SETX: variants seen among roughly 807,000 people sequenced by gnomAD.
The protein encoded by SETX is helicase senataxin.
Under a neutral mutation model 227.2 loss-of-function variants are expected in SETX, and 90 were observed. The observed-to-expected ratio is 0.40, with a 90% CI of 0.33 to 0.47. The LOEUF is 0.47. Among genes scored for constraint, SETX ranks in the 20% least tolerant of loss-of-function variants. SETX has a pLI of 0.91. For synonymous variants in SETX, 1,210 were observed against 1,113.2 expected (o/e 1.09, Z -1.73); for missense variants, 3,052 against 3,181.5 (o/e 0.96, Z 0.98).
Position 132,263,930 on chromosome 9 carries a change from T to C in SETX, c.*309A>G, listed in dbSNP as rs1281484519. On this transcript the variant is annotated 3_prime_UTR_variant, in exon 26 of 26. Coordinates refer to ENST00000224140, the MANE Select transcript of SETX (RefSeq NM_015046.7). ...AGGATTTTGTTATTTGCTATACAAA[T>C]ATACATTTCAACTTTTACAACATTC... 3 of 387,368 alleles carry C rather than the reference T, an allele frequency of 7.7e-6. No homozygotes were observed. The highest frequency in any genetic ancestry group is 6.1e-5 in the South Asian group (2 of 32,734). 24.0% of individuals were successfully genotyped at this position (387,368 alleles called of 1,614,324 possible).
In SETX at chr9:132,263,051, C is replaced by T. The variant is rs150716178; in HGVS notation, c.*1188G>A. The T allele has an allele frequency of 6.6e-6, 1 of 152,306 alleles. No homozygotes were observed. The highest frequency in any genetic ancestry group is 1.9e-4 in the East Asian group (1 of 5,182). The allele number at this position is 152,306 out of a possible 1,614,324, so 9.4% of individuals were successfully genotyped here. A position where few individuals can be genotyped will look rare whatever the true frequency, so the allele number is the denominator to read the frequency against. On this transcript the variant is annotated 3_prime_UTR_variant, in exon 26 of 26. Transcript: ENST00000224140. ...TTTTCCCCCACAAAAGCACTATCAC[C>T]TCTAATAGTAGCTGGAAACACCTAT...
At chr9:132,323,656 C>T (rs1846518291) in intron 10 of SETX, among the ~76,000 whole-genome samples, 3 of 152,162 alleles carry the variant, frequency 2.0e-5, no homozygotes. Context: ...AATCGTAGCA[C>T]TTTGAGAGGC....
rs1446484962 is a variant in SETX, at chr9:132,328,490, C to T, written c.3108G>A (p.Gln1036=). 6.2e-7 allele frequency: 1 copy of T among 1,613,658 alleles called. No homozygotes were observed. Among genetic ancestry groups the T allele is most frequent in the East Asian group, 2.2e-5 (1 of 44,884 alleles). ...GTTCCCTCTCAAGGCATATTTTGTC[C>T]TGTTTAGTGAGTTTCTCAAGACTCA... is the stretch of plus-strand genomic sequence containing the variant. ...RILSLEKLTK[Q]DKICLEREHP... The change falls in exon 10 of 26, where the codon CAG becomes CAA. Residue 1036 remains glutamine, a synonymous_variant. Transcript: ENST00000224140.
chr9:132,314,804 C>G (rs1233129701), intron 10 of SETX, among the ~76,000 whole-genome samples: 1 of 150,936 alleles, frequency 6.6e-6, no homozygotes, highest in Admixed American at 6.6e-5. Context: ...TCCACATAGA[C>G]TAAATACACT....
At chr9:132,276,590 A>G (rs1360007256) in intron 22 of SETX, among the ~76,000 whole-genome samples, 1 of 152,168 alleles carries the variant, frequency 6.6e-6, no homozygotes, top group Non-Finnish European at 1.5e-5. Context: ...TGCTGCTTCT[A>G]GCAACACCAC....
chr9:132,348,721 T>C (rs1397063604), intron 3 of SETX, among the ~76,000 whole-genome samples: 6 of 105,540 alleles, frequency 5.7e-5, no homozygotes, highest in African/African-American at 2.1e-4. Context: ...AGCTCAGGAG[T>C]TCAGGACCAG....
intron 24 of SETX, among the ~76,000 whole-genome samples, chr9:132,271,163 T>C (rs185252183): frequency 5.9e-5 from 9 of 152,364 alleles, no homozygotes; most frequent in Admixed American, 4.6e-4. Flanking sequence ...AATGACACTT[T>C]GACACATACC....
At chr9:132,283,125 G>A in intron 19 of SETX, 139 bp downstream of exon 19, 2 of 1,050,744 alleles carry the variant, frequency 1.9e-6, no homozygotes, top group South Asian at 1.4e-5. Context: ...TCTACATAAG[G>A]GAATACACAG....
intron 12 of SETX, among the ~76,000 whole-genome samples, chr9:132,298,930 T>A (rs944086190): frequency 2.0e-5 from 3 of 151,890 alleles, no homozygotes; most frequent in African/African-American, 7.3e-5. Flanking sequence ...ACATGCTCTA[T>A]CTCACAAACT....
At chr9:132,305,731 CAG>C (rs1055089467) in intron 11 of SETX, among the ~76,000 whole-genome samples, 1 of 152,126 alleles carries the variant, frequency 6.6e-6, no homozygotes, top group Admixed American at 6.6e-5. Context: ...CCATGAAAGA[CAG>C]AGAGAATGAG....
At chr9:132,277,214 G>T in intron 21 of SETX, 62 bp from the exon 22 acceptor site, 1 of 1,463,262 alleles carries the variant, frequency 6.8e-7, no homozygotes, top group Non-Finnish European at 9.4e-7. Flanking sequence ...AAATATCTTG[G>T]TATTACTACA....
intron 25 of SETX, among the ~76,000 whole-genome samples, chr9:132,265,467 C>T (rs906793492): frequency 4.6e-5 from 7 of 151,984 alleles, no homozygotes; most frequent in Non-Finnish European, 8.8e-5. Context: ...CCTCATGATC[C>T]GCCCGCCTCA....
chr9:132,270,274 C>T (rs1468728067), intron 24 of SETX, among the ~76,000 whole-genome samples: 3 of 149,060 alleles, frequency 2.0e-5, no homozygotes, highest in Non-Finnish European at 3.0e-5. Context: ...TAGAATGACT[C>T]AGCGTGCCCA....
chr9:132,265,065 C>T, intron 25 of SETX, 80 bp from the exon 26 acceptor site: 1 of 1,509,734 alleles, frequency 6.6e-7, no homozygotes. Context: ...GCTTTCATTT[C>T]TGAACAAATA....
chr9:132,331,530 T>G, intron 7 of SETX, 82 bp from the exon 8 acceptor site: 1 of 1,462,362 alleles, frequency 6.8e-7, no homozygotes, highest in Non-Finnish European at 9.4e-7. Context: ...AGCATATTCT[T>G]TATCTGGTGA....
In SETX at chr9:132,271,766, C is replaced by T; in HGVS notation, c.7143G>A (p.Gln2381=). The T allele has an allele frequency of 6.2e-7, 1 of 1,614,128 alleles. No homozygotes were observed. Among genetic ancestry groups the T allele is most frequent in the Non-Finnish European group, 8.5e-7 (1 of 1,180,014 alleles). Residue 2381 remains glutamine (Q), a synonymous_variant, in exon 24 of 26, where the codon CAG becomes CAA. Coordinates refer to ENST00000224140, the MANE Select transcript of SETX (RefSeq NM_015046.7). ...VDTVDAFQGR[Q]KDCVIVTCVR... ...CACACGTAACAATAACACAATCCTT[C>T]TGCCGACCCTGGAATGCATCCACAG...
In SETX at chr9:132,271,746, G is replaced by A. The variant is rs765418950; in HGVS notation, c.7163C>T (p.Thr2388Met). ...TTGGATGCTATTTGCTCTGACACACGTAACAATAACACAATCCTTCTGCCG... is the reference window on the plus strand; with the variant it reads ...TTGGATGCTATTTGCTCTGACACACATAACAATAACACAATCCTTCTGCCG... ...QGRQKDCVIV[T>M]CVRANSIQGS... The change falls in exon 24 of 26, where the codon ACG (threonine) becomes ATG (methionine). Residue 2388 changes from threonine (T) to methionine (M), a missense_variant. Physicochemically the swap from Thr to Met is moderately conservative, Grantham distance 81. Coordinates refer to ENST00000224140, the MANE Select transcript of SETX (RefSeq NM_015046.7). The A allele has an allele frequency of 4.3e-6, 7 of 1,613,910 alleles. No individual in the cohort carries two copies. The highest frequency in any genetic ancestry group is 4.0e-5 in the African/African-American group (3 of 74,852).
In SETX at chr9:132,326,549, TG is replaced by T. The variant is rs1846780857; in HGVS notation, c.5048del (p.Pro1683HisfsTer6). The T allele has an allele frequency of 6.2e-7, 1 of 1,614,008 alleles. No individual in the cohort carries two copies. The highest frequency in any genetic ancestry group is 8.5e-7 in the Non-Finnish European group (1 of 1,180,010). Reference sequence around the variant, plus strand: ...AAAGAATGTTTACTGGAGAGGAAGATGGAAAATATTTGCTTTCACCAAATGG... The same window carrying T: ...AAAGAATGTTTACTGGAGAGGAAGATGAAAATATTTGCTTTCACCAAATGG... ...KVPFGESKYFPSSSPVNILLS... is the reference protein window; with the variant it reads ...KVPFGESKYFXSSSPVNILLS... On this transcript the variant is annotated frameshift_variant, in exon 10 of 26. Transcript: ENST00000224140. LOFTEE classifies it high-confidence loss of function.
intron 6 of SETX, among the ~76,000 whole-genome samples, chr9:132,336,071 G>A (rs781223889): frequency 2.0e-5 from 3 of 152,136 alleles, no homozygotes; most frequent in South Asian, 2.1e-4. Flanking sequence ...GTGAAACCCC[G>A]TCTCTACTAA....
Sources: gnomAD v4.1 joint callset for allele counts (sites outside exome capture counted in the v4.1 genomes callset) on GRCh38, gnomAD v4.1.1 for gene constraint, MANE v1.5 for transcripts, NCBI Gene and HGNC (gene_info 2026-07-23, HGNC 2026-07-21) for gene names.